SGCB: variants seen among roughly 807,000 people sequenced by gnomAD.
SGCB encodes beta-sarcoglycan.
Under a neutral mutation model 27.3 loss-of-function variants are expected in SGCB, and 25 were observed. The observed-to-expected ratio is 0.92, with a 90% CI of 0.67 to 1.28. The LOEUF is 1.28. Ranked by LOEUF, SGCB falls within the 50% of genes most tolerant of loss-of-function variation. SGCB has a pLI of 0.00. For synonymous variants in SGCB, 147 were observed against 133.5 expected (o/e 1.10, Z -0.70); for missense variants, 436 against 402.1 (o/e 1.08, Z -0.72).
rs371913895 is a variant in SGCB at position 52,033,382 on chromosome 4, TAAA to T, written c.243+46_243+48del. 9 of 1,215,188 alleles carry T rather than the reference TAAA, an allele frequency of 7.4e-6. No individual in the cohort carries two copies. In the African/African-American group the frequency reaches 1.3e-4, roughly 18 times the overall value. 75.3% of individuals were successfully genotyped at this position (1,215,188 alleles called of 1,614,324 possible). On this transcript the variant is annotated intron_variant, in intron 2 of 5. Transcript: ENST00000381431. ...GTCTATGATTTCACTATAAAGCAGA[TAAA>T]AAATTCCCCATGGCAATTAAAATGA...
Position 52,034,331 on chromosome 4 carries a change from C to CAAAA in SGCB, c.34-695_34-692dup, listed in dbSNP as rs541129158. ...TGGGCGACAGAGCGAGACTCCGTCT[C>CAAAA]AAAAAAAAAAAAAAAAAAAAAAAAA... On this transcript the variant is annotated intron_variant, in intron 1 of 5. Coordinates refer to ENST00000381431, the MANE Select transcript of SGCB (RefSeq NM_000232.5). Among the ~76,000 whole-genome samples, 21 of 26,516 alleles carry CAAAA rather than the reference C, an allele frequency of 7.9e-4. 3 individuals are homozygous for CAAAA. The highest frequency in any genetic ancestry group is 3.2e-3 in the East Asian group (2 of 616). The allele number at this position is 26,516 out of a possible 152,430, so 17.4% of individuals were successfully genotyped here. A position where few individuals can be genotyped will look rare whatever the true frequency, so the allele number is the denominator to read the frequency against.
chr4:52,033,691 G>A, intron 1 of SGCB, 51 bp from the exon 2 acceptor site: 1 of 1,408,470 alleles, frequency 7.1e-7, no homozygotes, highest in Non-Finnish European at 1.0e-6. Context: ...TCGTTTTGGT[G>A]CATTTATCTA....
rs536874957 is a variant in SGCB at position 52,031,810 on chromosome 4, G to A, written c.243+1621C>T. The A allele has an allele frequency of 9.2e-6, 4 of 432,926 alleles. No homozygotes were observed. In the East Asian group the frequency reaches 2.8e-4, roughly 31 times the overall value. The allele number at this position is 432,926 out of a possible 1,614,324, so 26.8% of individuals were successfully genotyped here. Reference sequence around the variant, plus strand: ...TGAATTCATAGAAAATTATTTGAGGGGTAGGGCTTGTGACTGACAGGTGTC... The same window carrying A: ...TGAATTCATAGAAAATTATTTGAGGAGTAGGGCTTGTGACTGACAGGTGTC... On this transcript the variant is annotated intron_variant, in intron 2 of 5. Coordinates refer to ENST00000381431, the MANE Select transcript of SGCB (RefSeq NM_000232.5).
At chr4:52,031,284 TTTG>T (rs1203289255) in intron 2 of SGCB, among the ~76,000 whole-genome samples, 1 of 152,152 alleles carries the variant, frequency 6.6e-6, no homozygotes, top group East Asian at 1.9e-4. Context: ...GTTGATTAAT[TTTG>T]TTGAAATTTC....
At position 52,034,331 on chromosome 4, in the gene SGCB, C is replaced by CAAAAAAAAA. The variant is rs541129158; in HGVS notation, c.34-700_34-692dup. Among the ~76,000 whole-genome samples, 18 of 26,518 alleles carry CAAAAAAAAA rather than the reference C, an allele frequency of 6.8e-4. 3 individuals are homozygous for CAAAAAAAAA. The highest frequency in any genetic ancestry group is 5.5e-3 in the South Asian group (2 of 364). 17.4% of individuals were successfully genotyped at this position (26,518 alleles called of 152,430 possible). ...TGGGCGACAGAGCGAGACTCCGTCT[C>CAAAAAAAAA]AAAAAAAAAAAAAAAAAAAAAAAAA... On this transcript the variant is annotated intron_variant, in intron 1 of 5. Coordinates refer to ENST00000381431, the MANE Select transcript of SGCB (RefSeq NM_000232.5).
At position 52,023,243 on chromosome 4, in the gene SGCB, T is replaced by G. The variant is rs1181968161; in HGVS notation, c.*714A>C. On this transcript the variant is annotated 3_prime_UTR_variant, in exon 6 of 6. Transcript: ENST00000381431. The stretch of plus-strand genomic sequence containing the variant: ...GTGGTGAGAATTGGGGATATAAACA[T>G]GCAATGCCTAGGACAATGCCTAGGA... 6.6e-6 allele frequency: 1 copy of G among 152,212 alleles called. No individual in the cohort carries two copies. Among genetic ancestry groups the G allele is most frequent in the Non-Finnish European group, 1.5e-5 (1 of 68,054 alleles). 9.4% of individuals were successfully genotyped at this position (152,212 alleles called of 1,614,324 possible).
In SGCB at chr4:52,027,977, C is replaced by T. The variant is rs778608103; in HGVS notation, c.744G>A (p.Glu248=). Residue 248 remains glutamate, a synonymous_variant, in exon 5 of 6, where the codon GAG becomes GAA. Transcript: ENST00000381431. The stretch of plus-strand genomic sequence containing the variant: ...TTAAAAGAATACTCACCGCCTTTAA[C>T]TCCATATTACCACCCATGTGAAATT... ...TIEFHMGGNM[E]LKAENSIILN... 7.4e-6 allele frequency: 12 copies of T among 1,613,866 alleles called. No homozygotes were observed. In the Admixed American group the frequency reaches 2.0e-4, roughly 27 times the overall value.
At chr4:52,038,106 C>A (rs927175963) in intron 1 of SGCB, 121 bp downstream of exon 1, 1 of 887,214 alleles carries the variant, frequency 1.1e-6, no homozygotes. Context: ...ATCGGCCCCG[C>A]CGAACCCAGA....
At chr4:52,027,925 C>T in intron 5 of SGCB, 43 bp downstream of exon 5, 1 of 1,565,352 alleles carries the variant, frequency 6.4e-7, no homozygotes, top group Non-Finnish European at 8.8e-7. Flanking sequence ...TTTATGTACC[C>T]AAGAACCTAA....
rs1736929035 is a variant in SGCB, at chr4:52,020,724, T to C, written c.*3233A>G. ...CAGCAAACAATTTACAGAATTTTTA[T>C]TGTAAACAGAAGCTCATTACTAGTT... On this transcript the variant is annotated 3_prime_UTR_variant, in exon 6 of 6. Coordinates refer to ENST00000381431, the MANE Select transcript of SGCB (RefSeq NM_000232.5). The C allele has an allele frequency of 6.5e-6, 1 of 152,682 alleles. No individual in the cohort carries two copies. The highest frequency in any genetic ancestry group is 1.5e-5 in the Non-Finnish European group (1 of 68,042). The allele number at this position is 152,682 out of a possible 1,614,324, so 9.5% of individuals were successfully genotyped here. A position where few individuals can be genotyped will look rare whatever the true frequency, so the allele number is the denominator to read the frequency against.
chr4:52,035,607 G>C (rs1223118268), intron 1 of SGCB, among the ~76,000 whole-genome samples: 1 of 152,140 alleles, frequency 6.6e-6, no homozygotes, highest in African/African-American at 2.4e-5. Flanking sequence ...TTAAAGGTGT[G>C]GGCATTTGTA....
At chr4:52,035,949 C>T (rs1737380344) in intron 1 of SGCB, among the ~76,000 whole-genome samples, 1 of 152,182 alleles carries the variant, frequency 6.6e-6, no homozygotes, top group Non-Finnish European at 1.5e-5. Context: ...CATCTTGATG[C>T]ATTTAACATT....
intron 3 of SGCB, 84 bp from the exon 4 acceptor site, chr4:52,029,005 A>G (rs2109371234): frequency 9.7e-7 from 1 of 1,028,500 alleles, no homozygotes; most frequent in South Asian, 1.4e-5. Flanking sequence ...TAAAAATTAC[A>G]AAAATTACAG....
rs779083146 is a variant in SGCB, at chr4:52,023,985, G to A, written c.929C>T (p.Ser310Leu). 1 of 1,614,158 alleles carries A rather than the reference G, an allele frequency of 6.2e-7. No individual in the cohort carries two copies. The highest frequency in any genetic ancestry group is 2.2e-5 in the East Asian group (1 of 44,882). Residue 310 changes from serine to leucine, a missense_variant, in exon 6 of 6, where the codon TCA (serine) becomes TTA (leucine). By Grantham distance (145) the Ser-to-Leu change is moderately radical (BLOSUM62 -2). Coordinates refer to ENST00000381431, the MANE Select transcript of SGCB (RefSeq NM_000232.5). ...VTSQNMGCQI[S>L]DNPCGNTH ...ATGAGTGTTTCCACAGGGGTTGTCT[G>A]AGATTTGGCAGCCCATGTTCTGGCT...
intron 5 of SGCB, 108 bp downstream of exon 5, chr4:52,027,860 C>T: frequency 6.4e-6 from 7 of 1,091,846 alleles, no homozygotes; most frequent in Non-Finnish European, 9.5e-6. Context: ...CTTTCCATGT[C>T]AAAAAATAGA....
At position 52,024,057 on chromosome 4, in the gene SGCB, T is replaced by C; in HGVS notation, c.857A>G (p.Lys286Arg). The change falls in exon 6 of 6, where the codon AAG (lysine) becomes AGG (arginine). Residue 286 changes from lysine (K) to arginine (R), a missense_variant. Coordinates refer to ENST00000381431, the MANE Select transcript of SGCB (RefSeq NM_000232.5). ...QLGSGDWVRY[K>R]LCMCADGTLF... is the part of the protein sequence containing the mutation. ...CGTCCCATCAGCACACATGCAGAGCTTGTAGCGTACCCAGTCACCACTACC... is the reference window on the plus strand; with the variant it reads ...CGTCCCATCAGCACACATGCAGAGCCTGTAGCGTACCCAGTCACCACTACC... The C allele has an allele frequency of 1.9e-6, 3 of 1,613,990 alleles. No homozygotes were observed. The highest frequency in any genetic ancestry group is 8.5e-7 in the Non-Finnish European group (1 of 1,179,922).
chr4:52,037,189 CTA>C (rs1177958398), intron 1 of SGCB, among the ~76,000 whole-genome samples: 1 of 152,086 alleles, frequency 6.6e-6, no homozygotes, highest in Non-Finnish European at 1.5e-5. Flanking sequence ...ACTCATTCCT[CTA>C]TGTTTTATTT....
At chr4:52,029,064 G>A (rs1737183172) in intron 3 of SGCB, 143 bp from the exon 4 acceptor site, 3 of 646,150 alleles carry the variant, frequency 4.6e-6, no homozygotes, top group Middle Eastern at 4.2e-4. Context: ...GTTTAACTCT[G>A]TCTGTTCTCC....
At chr4:52,031,614 A>G (rs1737250760) in intron 2 of SGCB, among the ~76,000 whole-genome samples, 1 of 151,866 alleles carries the variant, frequency 6.6e-6, no homozygotes, top group Admixed American at 6.6e-5. Context: ...ATTTCTCTGA[A>G]AATACTGAAT....
Sources: gnomAD v4.1 joint callset for allele counts (sites outside exome capture counted in the v4.1 genomes callset) on GRCh38, gnomAD v4.1.1 for gene constraint, MANE v1.5 for transcripts, NCBI Gene and HGNC (gene_info 2026-07-23, HGNC 2026-07-21) for gene names.